Variants in CC2D2B observed in about 807,000 individuals in gnomAD.
CC2D2B encodes the protein protein CC2D2B.
CC2D2B carries 128 observed loss-of-function variants against 161.2 expected under a neutral mutation model. That is an observed-to-expected ratio of 0.79 (90% CI 0.69 to 0.92). The LOEUF (loss-of-function observed/expected upper bound fraction) is 0.92. CC2D2B is among the 40% of genes least tolerant of loss of function. The pLI is 0.00. For missense variants in CC2D2B, 1,173 were observed against 1,375.1 expected (o/e 0.85, Z 2.32); for synonymous variants, 391 against 449.8 (o/e 0.87, Z 1.65).
chr10:96,030,930 C>G (rs2080038898), intron 34 of CC2D2B, among the ~76,000 whole-genome samples: 1 of 152,146 alleles, frequency 6.6e-6, no homozygotes, highest in East Asian at 1.9e-4. Context: ...TAGCTTTGAC[C>G]TAGGGCAAGT....
intron 1 of CC2D2B, among the ~76,000 whole-genome samples, chr10:95,910,401 A>C (rs1407988841): frequency 1.3e-5 from 2 of 152,154 alleles, no homozygotes; most frequent in Admixed American, 1.3e-4. Flanking sequence ...GGGAGCTTAC[A>C]ATCATGGTGG....
intron 11 of CC2D2B, among the ~76,000 whole-genome samples, chr10:95,959,341 C>T (rs2076685077): frequency 6.6e-6 from 1 of 152,140 alleles, no homozygotes; most frequent in African/African-American, 2.4e-5. Context: ...CTACCACAGA[C>T]CACTGAATCG....
rs181213762 is a variant in CC2D2B at position 96,032,164 on chromosome 10, C to T, written c.*156C>T. ...TACAGAGCTGGGCACTATGGAGACT[C>T]GCACCCCTGAGTGAGTCTTTGAGGA... On this transcript the variant is annotated 3_prime_UTR_variant, in exon 35 of 35. Coordinates refer to ENST00000646931, the MANE Select transcript of CC2D2B (RefSeq NM_001349008.3). The T allele has an allele frequency of 1.9e-5, 11 of 590,646 alleles. No individual in the cohort carries two copies. The highest frequency in any genetic ancestry group is 1.9e-4 in the African/African-American group (10 of 53,724). 36.6% of individuals were successfully genotyped at this position (590,646 alleles called of 1,614,324 possible).
chr10:95,926,067 T>C (rs1174808477), intron 5 of CC2D2B, among the ~76,000 whole-genome samples: 1 of 152,178 alleles, frequency 6.6e-6, no homozygotes. Context: ...AGATGCTTAA[T>C]AAAAATTATT....
intron 25 of CC2D2B, among the ~76,000 whole-genome samples, chr10:96,004,605 C>A (rs1265100321): frequency 6.6e-6 from 1 of 152,132 alleles, no homozygotes; most frequent in Non-Finnish European, 1.5e-5. Flanking sequence ...AAATATACCA[C>A]TCCTGCAAAA....
rs186437237 is a variant in CC2D2B at position 95,989,101 on chromosome 10, G to A, written c.2379+759G>A. On this transcript the variant is annotated intron_variant, in intron 20 of 34. Coordinates refer to ENST00000646931, the MANE Select transcript of CC2D2B (RefSeq NM_001349008.3). ...GCCTTGCAGGGTAATTTGAAAAGAA[G>A]CAAGGAAAGCTATGGAAAGAGCTAA... 3.9e-5 allele frequency among the ~76,000 whole-genome samples: 6 copies of A among 152,298 alleles called. No homozygotes were observed. In the East Asian group the frequency reaches 1.2e-3, roughly 29 times the overall value.
At chr10:96,029,267 T>TATAC (rs2079938284) in intron 34 of CC2D2B, among the ~76,000 whole-genome samples, 2 of 72,656 alleles carry the variant, frequency 2.8e-5, no homozygotes, top group Admixed American at 1.5e-4. Context: ...TATATATATA[T>TATAC]ATATATATAT....
intron 14 of CC2D2B, among the ~76,000 whole-genome samples, chr10:95,967,411 A>C (rs2076976027): frequency 6.6e-6 from 1 of 152,146 alleles, no homozygotes; most frequent in Non-Finnish European, 1.5e-5. Flanking sequence ...AAAAGGATGT[A>C]TGGTGTTTTA....
intron 17 of CC2D2B, among the ~76,000 whole-genome samples, chr10:95,974,692 TAAC>T (rs2141528452): frequency 6.6e-6 from 1 of 152,178 alleles, no homozygotes; most frequent in East Asian, 1.9e-4. Flanking sequence ...TGAACAATGA[TAAC>T]AAAAAGATAT....
chr10:95,976,978 G>A (rs1344434652), intron 17 of CC2D2B, among the ~76,000 whole-genome samples: 1 of 152,198 alleles, frequency 6.6e-6, no homozygotes, highest in Non-Finnish European at 1.5e-5. Flanking sequence ...TCAAACTGCT[G>A]AACTCAGGTG....
intron 17 of CC2D2B, 75 bp downstream of exon 17, chr10:95,974,231 G>A (rs2077238990): frequency 2.5e-6 from 2 of 786,516 alleles, no homozygotes; most frequent in Non-Finnish European, 3.4e-6. Flanking sequence ...ATGTGTAAAA[G>A]AGAAAACTTG....
At chr10:95,940,770 A>G (rs956669526) in intron 9 of CC2D2B, among the ~76,000 whole-genome samples, 2 of 152,190 alleles carry the variant, frequency 1.3e-5, no homozygotes, top group Non-Finnish European at 2.9e-5. Context: ...GGGTTAGAGG[A>G]CTTAATATTG....
Position 95,918,020 on chromosome 10 carries a change from G to T in CC2D2B, c.37-3996G>T, listed in dbSNP as rs376697686. Among the ~76,000 whole-genome samples the T allele has an allele frequency of 3.8e-4, 58 of 152,122 alleles. No individual in the cohort carries two copies. In the East Asian group the frequency reaches 0.011, roughly 28 times the overall value. The stretch of plus-strand genomic sequence containing the variant: ...TTGAACTCTTGACCTCAAGTGTTCC[G>T]CCTACCTCAGCCTCCCAAAGTGCTG... On this transcript the variant is annotated intron_variant, in intron 2 of 34. Transcript: ENST00000646931.
intron 11 of CC2D2B, among the ~76,000 whole-genome samples, chr10:95,959,279 C>T (rs2076683139): frequency 6.6e-6 from 1 of 152,134 alleles, no homozygotes; most frequent in East Asian, 1.9e-4. Flanking sequence ...GGTCCCCAGA[C>T]CAGCATCATC....
rs1373354949 is a variant in CC2D2B, at chr10:96,025,206, T to A, written c.3947+295T>A. ...ATATAAAAAAAAATATATATATATA[T>A]ATATATATATATATAGCTGGGCATG... On this transcript the variant is annotated intron_variant, in intron 33 of 34. Coordinates refer to ENST00000646931, the MANE Select transcript of CC2D2B (RefSeq NM_001349008.3). 2.2e-4 allele frequency among the ~76,000 whole-genome samples: 27 copies of A among 124,868 alleles called. 3 individuals are homozygous for A. Among genetic ancestry groups the A allele is most frequent in the South Asian group, 1.1e-3 (4 of 3,636 alleles). 81.9% of individuals were successfully genotyped at this position (124,868 alleles called of 152,430 possible). A position where few individuals can be genotyped will look rare whatever the true frequency, so the allele number is the denominator to read the frequency against.
Position 95,922,076 on chromosome 10 carries a change from G to T in CC2D2B, c.97G>T (p.Asp33Tyr), listed in dbSNP as rs751636654. The change falls in exon 3 of 35, where the codon GAT becomes TAT. Residue 33 changes from aspartate (D) to tyrosine (Y), a missense_variant and splice_region_variant. Physicochemically the swap from Asp to Tyr is radical, Grantham distance 160. Coordinates refer to ENST00000646931, the MANE Select transcript of CC2D2B (RefSeq NM_001349008.3). ...AATTATAGACAAGCATCTCCAAAAA[G>T]GTTCTCAATAAGTATACCATAACTC... ...EEIIDKHLQK[D>Y]LDAEENQNVA... 2.3e-5 allele frequency: 35 copies of T among 1,489,898 alleles called. No homozygotes were observed. Among genetic ancestry groups the T allele is most frequent in the Non-Finnish European group, 2.8e-5 (31 of 1,093,818 alleles). 92.3% of individuals were successfully genotyped at this position (1,489,898 alleles called of 1,614,324 possible). A position where few individuals can be genotyped will look rare whatever the true frequency, so the allele number is the denominator to read the frequency against.
intron 6 of CC2D2B, among the ~76,000 whole-genome samples, chr10:95,930,594 G>T (rs2098548273): frequency 6.6e-6 from 1 of 152,144 alleles, no homozygotes; most frequent in South Asian, 2.1e-4. Context: ...TTTTTAGCAT[G>T]AAAGGGTGTT....
rs1231381492 is a variant in CC2D2B at position 95,965,950 on chromosome 10, T to G, written c.1305T>G (p.Thr435=). ...EQEQISEMSE[T]EKKNEGKELK... ...AGCAAATCTCAGAAATGTCTGAAACTGAGAAGAAAAATGAAGGAAAAGAAC... is the reference window on the plus strand; with the variant it reads ...AGCAAATCTCAGAAATGTCTGAAACGGAGAAGAAAAATGAAGGAAAAGAAC... Residue 435 remains threonine, a synonymous_variant, in exon 13 of 35, where the codon ACT becomes ACG. Transcript: ENST00000646931. 8.2e-7 allele frequency: 1 copy of G among 1,219,920 alleles called. No individual in the cohort carries two copies. Among genetic ancestry groups the G allele is most frequent in the Non-Finnish European group, 1.0e-6 (1 of 977,390 alleles). The allele number at this position is 1,219,920 out of a possible 1,614,324, so 75.6% of individuals were successfully genotyped here. A position where few individuals can be genotyped will look rare whatever the true frequency, so the allele number is the denominator to read the frequency against.
At chr10:95,910,352 T>G (rs2098503941) in intron 1 of CC2D2B, among the ~76,000 whole-genome samples, 2 of 152,164 alleles carry the variant, frequency 1.3e-5, no homozygotes, top group Non-Finnish European at 2.9e-5. Flanking sequence ...GCAGGCTATA[T>G]AAGCATGGCT....
Sources: allele counts gnomAD v4.1 joint callset (sites outside exome capture counted in the v4.1 genomes callset), GRCh38; gene constraint gnomAD v4.1.1; transcripts MANE v1.5; gene names NCBI Gene and HGNC (gene_info 2026-07-23, HGNC 2026-07-21).